SPECC1: variants seen among roughly 807,000 people sequenced by gnomAD.
SPECC1 encodes cytospin-B.
A neutral mutation model predicts 104.1 loss-of-function variants in SPECC1; 62 were observed. The observed-to-expected ratio is 0.60, with a 90% confidence interval of 0.49 to 0.74. SPECC1 has a LOEUF of 0.74. Ranked by LOEUF, SPECC1 falls within the 30% of genes least tolerant of loss-of-function variation. SPECC1 has a pLI of 0.00. For synonymous variants in SPECC1, 513 were observed against 501.6 expected (o/e 1.02, Z -0.30); for missense variants, 1,306 against 1,310.5 (o/e 1.00, Z 0.05).
At chr17:20,260,795 A>G (rs74850712) in intron 12 of SPECC1, among the ~76,000 whole-genome samples, 1,769 of 152,244 alleles carry the variant, frequency 0.012, 22 homozygotes, top group Middle Eastern at 0.031. Context: ...TGATATCAAC[A>G]TAGAGAATGT....
chr17:20,266,312 G>A (rs921492541), intron 12 of SPECC1, among the ~76,000 whole-genome samples: 2 of 152,098 alleles, frequency 1.3e-5, no homozygotes. Context: ...GGCCGGGCGC[G>A]GTGACTCACG....
chr17:20,216,824 T>C lies in SPECC1; in HGVS notation c.1864-10589T>C, dbSNP rs150232480. ...AAACGTTGAAAATCACATTGCTGGG[T>C]GTCTAAGAGTGTGATTCTTGACCTA... On this transcript the variant is annotated intron_variant, in intron 4 of 14. Transcript: ENST00000395527. 1.6e-3 allele frequency among the ~76,000 whole-genome samples: 243 copies of C among 152,206 alleles called. 1 individual carries two copies. The highest frequency in any genetic ancestry group is 5.4e-3 in the African/African-American group (223 of 41,532).
chr17:20,020,277 A>G (rs1349506901), intron 1 of SPECC1, among the ~76,000 whole-genome samples: 3 of 152,046 alleles, frequency 2.0e-5, no homozygotes, highest in Non-Finnish European at 4.4e-5. Context: ...CATCTTTTCT[A>G]ACTCTAAAGG....
At chr17:20,124,615 A>G (rs1412701722) in intron 3 of SPECC1, among the ~76,000 whole-genome samples, 3 of 152,212 alleles carry the variant, frequency 2.0e-5, no homozygotes, top group Non-Finnish European at 4.4e-5. Context: ...CAGATTCGGT[A>G]TAGATGCTCC....
chr17:20,190,831 G>A (rs929428194), intron 3 of SPECC1, among the ~76,000 whole-genome samples: 2 of 152,082 alleles, frequency 1.3e-5, no homozygotes, highest in African/African-American at 4.8e-5. Context: ...GGATGAATGG[G>A]CAGGCACAGT....
At chr17:20,115,476 A>G (rs1021768103) in intron 3 of SPECC1, among the ~76,000 whole-genome samples, 3 of 151,510 alleles carry the variant, frequency 2.0e-5, no homozygotes, top group Non-Finnish European at 4.4e-5. Context: ...GTCTCAAATA[A>G]ATAAATAAAT....
intron 12 of SPECC1, among the ~76,000 whole-genome samples, chr17:20,260,885 G>A (rs1339336248): frequency 6.6e-6 from 1 of 152,058 alleles, no homozygotes; most frequent in Admixed American, 6.6e-5. Flanking sequence ...TTGAGTCATG[G>A]GCCACCTAGT....
At chr17:20,117,848 T>C (rs2048837700) in intron 3 of SPECC1, among the ~76,000 whole-genome samples, 1 of 152,086 alleles carries the variant, frequency 6.6e-6, no homozygotes, top group Admixed American at 6.5e-5. Context: ...TCAACGCCTG[T>C]AATCCTAGCA....
intron 7 of SPECC1, chr17:20,238,365 A>G: frequency 9.6e-7 from 1 of 1,041,162 alleles, no homozygotes; most frequent in South Asian, 4.6e-5. Context: ...GTGTTTGTGA[A>G]GATCCAAATC....
At chr17:20,172,961 C>T (rs2034200531) in intron 3 of SPECC1, among the ~76,000 whole-genome samples, 1 of 152,166 alleles carries the variant, frequency 6.6e-6, no homozygotes, top group South Asian at 2.1e-4. Flanking sequence ...TGCATTTTGC[C>T]TCCTTTCTTT....
At chr17:20,283,591 T>C (rs1340122898) in intron 12 of SPECC1, among the ~76,000 whole-genome samples, 1 of 152,112 alleles carries the variant, frequency 6.6e-6, no homozygotes, top group African/African-American at 2.4e-5. Context: ...CTTGAGTTGT[T>C]TGTCTTTTTC....
intron 4 of SPECC1, among the ~76,000 whole-genome samples, chr17:20,220,606 A>G (rs1442157050): frequency 6.7e-6 from 1 of 148,646 alleles, no homozygotes; most frequent in African/African-American, 2.5e-5. Flanking sequence ...CCAGATATCA[A>G]GTCATATCAT....
chr17:20,145,244 C>T (rs930296582), intron 3 of SPECC1, among the ~76,000 whole-genome samples: 3 of 152,118 alleles, frequency 2.0e-5, no homozygotes, highest in Admixed American at 1.3e-4. Flanking sequence ...GGCAAGATAG[C>T]GTAATCTCCC....
chr17:20,259,905 C>A (rs2039966530), intron 11 of SPECC1, among the ~76,000 whole-genome samples: 1 of 152,050 alleles, frequency 6.6e-6, no homozygotes. Flanking sequence ...TGATACTGTA[C>A]TTAAGTAAAC....
At chr17:20,028,427 A>G (rs1435218576) in intron 1 of SPECC1, among the ~76,000 whole-genome samples, 1 of 152,094 alleles carries the variant, frequency 6.6e-6, no homozygotes, top group Non-Finnish European at 1.5e-5. Flanking sequence ...TTGAGCCCAG[A>G]AGTTGAAGAC....
Position 20,120,785 on chromosome 17 carries a change from G to C in SPECC1, c.283+10223G>C, listed in dbSNP as rs79204686. On this transcript the variant is annotated intron_variant, in intron 3 of 14. Coordinates refer to ENST00000395527, the MANE Select transcript of SPECC1 (RefSeq NM_001243439.2). ...TGAACTTACAAGAATTAAATCTATA[G>C]TCAGCCTATATTTTATTGCACCCTT... is the stretch of plus-strand genomic sequence containing the variant. Among the ~76,000 whole-genome samples the C allele has an allele frequency of 8.8e-3, 1,346 of 152,258 alleles. 7 individuals carry two copies. The highest frequency in any genetic ancestry group is 0.051 in the Middle Eastern group (15 of 294).
chr17:20,177,387 TTTC>T (rs1402756829), intron 3 of SPECC1, among the ~76,000 whole-genome samples: 44 of 152,156 alleles, frequency 2.9e-4, no homozygotes, highest in Admixed American at 2.6e-3. Context: ...TGTAAGTAGT[TTTC>T]TTCTTCTAGA....
intron 2 of SPECC1, among the ~76,000 whole-genome samples, chr17:20,097,652 G>C (rs1286713794): frequency 6.6e-6 from 1 of 152,194 alleles, no homozygotes; most frequent in African/African-American, 2.4e-5. Flanking sequence ...AACCAAGCAT[G>C]GTGCCGGCTC....
At chr17:20,017,132 C>T (rs937775237) in intron 1 of SPECC1, 1 of 152,210 alleles carries the variant, frequency 6.6e-6, no homozygotes, top group African/African-American at 2.4e-5. Context: ...AGCAGGCTGC[C>T]CGAGCCAAGA....
Sources: gnomAD v4.1 joint callset for allele counts (sites outside exome capture counted in the v4.1 genomes callset) on GRCh38, gnomAD v4.1.1 for gene constraint, MANE v1.5 for transcripts, NCBI Gene and HGNC (gene_info 2026-07-23, HGNC 2026-07-21) for gene names.